The following NCAPD2 variants were observed in gnomAD, a reference collection of about 807,000 sequenced individuals.
NCAPD2 encodes the protein non-SMC condensin I complex subunit D2.
Under a neutral mutation model 164.5 loss-of-function variants are expected in NCAPD2, and 100 were observed. The observed-to-expected ratio is 0.61, with a 90% CI of 0.52 to 0.72. The LOEUF is 0.72. NCAPD2 is among the 30% of genes least tolerant of loss of function. The pLI is 0.00. For missense variants in NCAPD2, 1,560 were observed against 1,749.2 expected (o/e 0.89, Z 1.93); for synonymous variants, 585 against 642.6 (o/e 0.91, Z 1.36).
chr12:6,522,857 A>G lies in NCAPD2; in HGVS notation c.1984A>G (p.Met662Val), dbSNP rs776002331. 1.2e-6 allele frequency: 2 copies of G among 1,613,962 alleles called. No homozygotes were observed. The highest frequency in any genetic ancestry group is 4.5e-5 in the East Asian group (2 of 44,860). ...VVQEVIEFFV[M>V]VFQFGVPQAL... Reference sequence around the variant, plus strand: ...GCAGGAGGTGATTGAATTCTTTGTGATGGTCTTCCAATTTGGGGTACCCCA... The same window carrying G: ...GCAGGAGGTGATTGAATTCTTTGTGGTGGTCTTCCAATTTGGGGTACCCCA... Residue 662 changes from methionine (M) to valine (V), a missense_variant, in exon 16 of 32, where the codon ATG becomes GTG. Transcript: ENST00000315579.
chr12:6,529,803 T>C lies in NCAPD2; in HGVS notation c.3682T>C (p.Tyr1228His), dbSNP rs1946354547. The C allele has an allele frequency of 6.2e-7, 1 of 1,614,092 alleles. No individual in the cohort carries two copies. The highest frequency in any genetic ancestry group is 1.1e-5 in the South Asian group (1 of 91,078). ...TGAGCGGCAGCAGCGAGACCTGGCC[T>C]ACTGTGTGTCACAGCTGCCCCTCAC... ...RTERQQRDLA[Y>H]CVSQLPLTER... Residue 1228 changes from tyrosine (Y) to histidine (H), a missense_variant, in exon 29 of 32, where the codon TAC becomes CAC. Transcript: ENST00000315579.
At position 6,525,591 on chromosome 12, in the gene NCAPD2, GT is replaced by G. The variant is rs1565546317; in HGVS notation, c.2226del (p.Phe742LeufsTer7). On this transcript the variant is annotated frameshift_variant, in exon 18 of 32. Coordinates refer to ENST00000315579, the MANE Select transcript of NCAPD2 (RefSeq NM_014865.4). LOFTEE classifies it high-confidence loss of function. ...TTTTCTTTTCTCTTTAGCTCTGTGA[GT>G]TTGTGCAGAAGGATGAGTTGAAACC... Reference protein sequence around the residue: ...IQCLEEILCEFVQKDELKPAV... With the variant: ...IQCLEEILCEXVQKDELKPAV... 1.2e-6 allele frequency: 2 copies of G among 1,610,392 alleles called. No homozygotes were observed. Among genetic ancestry groups the G allele is most frequent in the Non-Finnish European group, 1.7e-6 (2 of 1,178,476 alleles).
Position 6,523,263 on chromosome 12 carries a change from G to A in NCAPD2, c.2131G>A (p.Ala711Thr), listed in dbSNP as rs1346018457. ...YLNPKGDSAR[A>T]KAQALIQNLS... ...CGCTGATCTCTGCTGTTCCCACAGA[G>A]CCAAGGCCCAGGCTTTGATTCAGAA... The change falls in exon 17 of 32, where the codon GCC (alanine) becomes ACC (threonine). Residue 711 changes from alanine to threonine, a missense_variant and splice_region_variant. By Grantham distance (58) the Ala-to-Thr change is moderately conservative (BLOSUM62 0). Transcript: ENST00000315579. 1.2e-6 allele frequency: 2 copies of A among 1,614,012 alleles called. No individual in the cohort carries two copies. Among genetic ancestry groups the A allele is most frequent in the Non-Finnish European group, 1.7e-6 (2 of 1,179,922 alleles).
At position 6,514,397 on chromosome 12, in the gene NCAPD2, G is replaced by A; in HGVS notation, c.715+5G>A. 6.2e-7 allele frequency: 1 copy of A among 1,614,146 alleles called. No homozygotes were observed. Among genetic ancestry groups the A allele is most frequent in the Non-Finnish European group, 8.5e-7 (1 of 1,180,034 alleles). ...CCCGTTATAACCATATGCTCAGTAA[G>A]TTACCAGTCGCTTTGCCCCGCCTTT... On this transcript the variant is annotated splice_donor_5th_base_variant and intron_variant, in intron 7 of 31. Coordinates refer to ENST00000315579, the MANE Select transcript of NCAPD2 (RefSeq NM_014865.4).
Position 6,528,083 on chromosome 12 carries a change from C to A in NCAPD2, c.3135C>A (p.Cys1045Ter), listed in dbSNP as rs771579024. ...CTTCACTTGCCCTTGGCAAGTTCTG[C>A]ATGATCAGGTAGGCCGTGGGGTTGG... ...AAASLALGKF[C>*]MISATFCDSQ... is the part of the protein sequence containing the mutation. Residue 1045 changes from cysteine (C) to a stop codon, truncating the protein, a stop_gained, in exon 24 of 32, where the codon TGC (cysteine) becomes TGA (stop). Transcript: ENST00000315579. LOFTEE classifies it high-confidence loss of function. The surrounding 1 kb of genome is among the most constrained non-coding windows in gnomAD (Gnocchi z 5.1). 1 of 1,614,220 alleles carries A rather than the reference C, an allele frequency of 6.2e-7. No homozygotes were observed. The highest frequency in any genetic ancestry group is 1.7e-5 in the Admixed American group (1 of 60,028).
chr12:6,512,308 T>TAGAC (rs1168340356), intron 6 of NCAPD2, among the ~76,000 whole-genome samples: 1 of 145,868 alleles, frequency 6.9e-6, no homozygotes, highest in African/African-American at 2.5e-5. Flanking sequence ...GATAGATAGA[T>TAGAC]AGACAGACAG....
rs1946205998 is a variant in NCAPD2, at chr12:6,516,839, G to A, written c.999G>A (p.Met333Ile). 6.2e-7 allele frequency: 1 copy of A among 1,614,022 alleles called. No homozygotes were observed. The highest frequency in any genetic ancestry group is 8.5e-7 in the Non-Finnish European group (1 of 1,180,044). ...CTTCTCTCTCTTAGAATTACATGATGCGTAATGCTGTGCTGGCAGCCATGG... is the reference window on the plus strand; with the variant it reads ...CTTCTCTCTCTTAGAATTACATGATACGTAATGCTGTGCTGGCAGCCATGG... ...LDHLDGENYMMRNAVLAAMAE... is the reference protein window; with the variant it reads ...LDHLDGENYMIRNAVLAAMAE... Residue 333 changes from methionine to isoleucine, a missense_variant, in exon 10 of 32, where the codon ATG (methionine) becomes ATA (isoleucine). By Grantham distance (10) the Met-to-Ile change is conservative. Coordinates refer to ENST00000315579, the MANE Select transcript of NCAPD2 (RefSeq NM_014865.4).
rs1310060656 is a variant in NCAPD2, at chr12:6,529,942, C to T, written c.3821C>T (p.Ala1274Val). The T allele has an allele frequency of 6.2e-7, 1 of 1,613,398 alleles. No homozygotes were observed. Among genetic ancestry groups the T allele is most frequent in the Admixed American group, 1.7e-5 (1 of 59,984 alleles). Residue 1274 changes from alanine (A) to valine (V), a missense_variant, in exon 29 of 32, where the codon GCC (alanine) becomes GTC (valine). Transcript: ENST00000315579. ...GTTGTAGGCAAGCTGCGACGTGGGG[C>T]CAAGCCTGAGGGCAAGGTGAGCAGC... ...LSVVGKLRRG[A>V]KPEGKAIIDE...
Position 6,530,968 on chromosome 12 carries a change from G to C in NCAPD2, c.4012G>C (p.Val1338Leu), listed in dbSNP as rs1200971862. ...TTCTACAGCCTCAGACAATGACTTT[G>C]TCACACCAGAGCCCCGCCGTACTAC... ...LASTASDNDF[V>L]TPEPRRTTRR... Residue 1338 changes from valine (V) to leucine (L), a missense_variant, in exon 31 of 32, where the codon GTC (valine) becomes CTC (leucine). Transcript: ENST00000315579. The C allele has an allele frequency of 3.7e-6, 6 of 1,614,036 alleles. No homozygotes were observed. Among genetic ancestry groups the C allele is most frequent in the Admixed American group, 1.7e-5 (1 of 60,010 alleles).
chr12:6,504,099 C>T (rs1592166042), intron 2 of NCAPD2, among the ~76,000 whole-genome samples: 1 of 150,960 alleles, frequency 6.6e-6, no homozygotes, highest in Non-Finnish European at 1.5e-5. Flanking sequence ...TTATGAGGGG[C>T]ACATTCAAAC....
Position 6,510,177 on chromosome 12 carries a change from C to CGTTT in NCAPD2, c.262+55_262+58dup, listed in dbSNP as rs762158462. 53 of 1,538,044 alleles carry CGTTT rather than the reference C, an allele frequency of 3.4e-5. No individual in the cohort carries two copies. In the South Asian group the frequency reaches 4.8e-4, roughly 14 times the overall value. ...GTAGGGGATGGAAGGTGTTTGTTAT[C>CGTTT]GTTTGTTTGTTTGTCTGTTTGTTTG... On this transcript the variant is annotated intron_variant, in intron 4 of 31. Transcript: ENST00000315579.
At chr12:6,508,838 G>C (rs1946120616) in intron 2 of NCAPD2, among the ~76,000 whole-genome samples, 1 of 152,160 alleles carries the variant, frequency 6.6e-6, no homozygotes, top group Admixed American at 6.5e-5. Flanking sequence ...CTCTTGATAC[G>C]ATGCCTGAGG....
At chr12:6,509,835 CTGTT>C (rs751905168) in intron 3 of NCAPD2, 43 bp downstream of exon 3, 4 of 1,586,486 alleles carry the variant, frequency 2.5e-6, no homozygotes, top group East Asian at 2.2e-5. Context: ...GAACTGGTGA[CTGTT>C]TGTCCTAACT....
intron 18 of NCAPD2, 106 bp from the exon 19 acceptor site, chr12:6,525,962 G>A (rs1279661454): frequency 2.1e-6 from 3 of 1,445,760 alleles, no homozygotes; most frequent in Non-Finnish European, 1.9e-6. Flanking sequence ...AGTGCTCCAC[G>A]GCTCTAGACA....
rs1477246743 is a variant in NCAPD2 at position 6,527,888 on chromosome 12, G to C, written c.3019G>C (p.Gly1007Arg). ...CATCTGCGAGATGGAACTGTTGGATGGTAAGAAAAATGGCTGCACTCAGCA... is the reference window on the plus strand; with the variant it reads ...CATCTGCGAGATGGAACTGTTGGATCGTAAGAAAAATGGCTGCACTCAGCA... Reference protein sequence around the residue: ...RGICEMELLDGKQTLAAFVPL... With the variant: ...RGICEMELLDRKQTLAAFVPL... Residue 1007 changes from glycine (G) to arginine (R), a missense_variant and splice_region_variant, in exon 23 of 32, where the codon GGC becomes CGC. Physicochemically the swap from Gly to Arg is moderately radical, Grantham distance 125. Coordinates refer to ENST00000315579, the MANE Select transcript of NCAPD2 (RefSeq NM_014865.4). 1 of 1,613,554 alleles carries C rather than the reference G, an allele frequency of 6.2e-7. No homozygotes were observed. Among genetic ancestry groups the C allele is most frequent in the South Asian group, 1.1e-5 (1 of 91,052 alleles).
intron 13 of NCAPD2, among the ~76,000 whole-genome samples, chr12:6,518,504 G>GTTTTTGTGTTTTTTTTT (rs746627585): frequency 4.5e-5 from 2 of 44,774 alleles, no homozygotes; most frequent in African/African-American, 1.0e-4. Flanking sequence ...CCGTCAACAA[G>GTTTTTGTGTTTTTTTTT]TTTTTTTTTT....
chr12:6,504,200 T>TACATATATAC (rs1207709979), intron 2 of NCAPD2, among the ~76,000 whole-genome samples: 37 of 22,410 alleles, frequency 1.7e-3, no homozygotes, highest in African/African-American at 0.012. Flanking sequence ...TATATATATA[T>TACATATATAC]ATATATATAT....
chr12:6,508,551 C>T (rs1946117611), intron 2 of NCAPD2, among the ~76,000 whole-genome samples: 1 of 152,134 alleles, frequency 6.6e-6, no homozygotes, highest in Non-Finnish European at 1.5e-5. Flanking sequence ...CAATAGCATT[C>T]CCATTAGTAA....
chr12:6,530,957 A>T lies in NCAPD2; in HGVS notation c.4001A>T (p.Asp1334Val), dbSNP rs1946366793. ...CAGCCTCTGGCTTCTACAGCCTCAG[A>T]CAATGACTTTGTCACACCAGAGCCC... ...RYQPLASTASDNDFVTPEPRR... is the reference protein window; with the variant it reads ...RYQPLASTASVNDFVTPEPRR... Residue 1334 changes from aspartate (D) to valine (V), a missense_variant, in exon 31 of 32, where the codon GAC becomes GTC. Transcript: ENST00000315579. 1 of 1,614,078 alleles carries T rather than the reference A, an allele frequency of 6.2e-7. No individual in the cohort carries two copies. Among genetic ancestry groups the T allele is most frequent in the African/African-American group, 1.3e-5 (1 of 74,928 alleles).
Sources: gnomAD v4.1 joint callset for allele counts (sites outside exome capture counted in the v4.1 genomes callset) on GRCh38, gnomAD v4.1.1 for gene constraint, Gnocchi (gnomAD v3.1) non-coding constraint, MANE v1.5 for transcripts, NCBI Gene and HGNC (gene_info 2026-07-23, HGNC 2026-07-21) for gene names.